The following DMD variants were observed in gnomAD, a reference collection of about 807,000 sequenced individuals.
DMD encodes dystrophin.
In DMD, 63 loss-of-function variants were observed where a neutral mutation model predicts 330.1. The observed-to-expected ratio is 0.19, with a 90% CI of 0.16 to 0.24. The LOEUF (loss-of-function observed/expected upper bound fraction) is 0.24. DMD is among the 10% of genes least tolerant of loss of function. DMD has a pLI of 1.00. For missense variants in DMD, 3,344 were observed against 2,684.1 expected, an observed-to-expected ratio of 1.25 and a Z score of -5.43; for synonymous variants, 1,223 against 959.8, an observed-to-expected ratio of 1.27 and a Z score of -5.07.
At chrX:32,815,520 T>TATATATATATATATATATAC in intron 6 of DMD, among the ~76,000 whole-genome samples, 11 of 78,959 alleles carry the variant, frequency 1.4e-4, no homozygotes, top group African/African-American at 5.8e-4. Flanking sequence ...TATATATATA[T>TATATATATATATATATATAC]ACACACACAC....
At chrX:31,865,610 A>G (rs1195173710) in intron 48 of DMD, among the ~76,000 whole-genome samples, 1 of 111,626 alleles carries the variant, frequency 9.0e-6, no homozygotes, top group Non-Finnish European at 1.9e-5. Flanking sequence ...TGTTGAGTAC[A>G]CTCCTGACTG....
intron 44 of DMD, among the ~76,000 whole-genome samples, chrX:31,978,528 C>T (rs1282146372): frequency 1.8e-5 from 2 of 111,611 alleles, no homozygotes; most frequent in Non-Finnish European, 3.8e-5. Flanking sequence ...GGATTCCCTG[C>T]TCAAAAATTT....
intron 44 of DMD, among the ~76,000 whole-genome samples, chrX:31,994,266 C>T (rs1480702030): frequency 9.0e-6 from 1 of 111,636 alleles, no homozygotes; most frequent in East Asian, 2.8e-4. Context: ...TCTAACCATG[C>T]TAAAAATAAG....
chrX:33,136,274 G>A (rs1281551296), intron 1 of DMD, among the ~76,000 whole-genome samples: 2 of 23,750 alleles, frequency 8.4e-5, no homozygotes, highest in African/African-American at 2.7e-4. Context: ...GTGAGACCCC[G>A]TCTCAAAAAA....
At chrX:31,854,879 T>A (rs2093589940) in intron 48 of DMD, among the ~76,000 whole-genome samples, 1 of 111,318 alleles carries the variant, frequency 9.0e-6, no homozygotes, top group Admixed American at 9.6e-5. Context: ...GCAGCATGCC[T>A]GGTCACTATG....
intron 4 of DMD, among the ~76,000 whole-genome samples, chrX:32,831,684 G>A (rs867742637): frequency 1.5e-5 from 1 of 64,942 alleles, no homozygotes; most frequent in African/African-American, 4.9e-5. Flanking sequence ...GTGTGTGTGT[G>A]TGTGTGTGTG....
intron 2 of DMD, among the ~76,000 whole-genome samples, chrX:32,914,846 A>G (rs1191947887): frequency 2.7e-5 from 3 of 112,278 alleles, no homozygotes; most frequent in Non-Finnish European, 5.6e-5. Context: ...GTCATACAGT[A>G]AATATTTTTA....
chrX:31,583,492 G>A (rs760800265), intron 55 of DMD, among the ~76,000 whole-genome samples: 2 of 111,044 alleles, frequency 1.8e-5, no homozygotes, highest in South Asian at 7.7e-4. Flanking sequence ...TTGGCAGGGG[G>A]TAGGCTATTG....
At chrX:32,947,511 T>C (rs2090905454) in intron 2 of DMD, among the ~76,000 whole-genome samples, 1 of 111,628 alleles carries the variant, frequency 9.0e-6, no homozygotes, top group South Asian at 3.7e-4. Flanking sequence ...GTACACGAGT[T>C]GCCAAAGAAT....
At chrX:32,494,616 T>G (rs767692133) in intron 19 of DMD, among the ~76,000 whole-genome samples, 6 of 111,188 alleles carry the variant, frequency 5.4e-5, no homozygotes, top group African/African-American at 1.6e-4. Flanking sequence ...AACTTACTTA[T>G]AACAAATGCT....
At chrX:31,631,118 C>T (rs2079112534) in intron 54 of DMD, among the ~76,000 whole-genome samples, 1 of 111,401 alleles carries the variant, frequency 9.0e-6, no homozygotes, top group Non-Finnish European at 1.9e-5. Flanking sequence ...AGGCCTCAGC[C>T]TAGCTCTACT....
At chrX:31,606,932 T>C (rs1035469431) in intron 55 of DMD, among the ~76,000 whole-genome samples, 1 of 112,158 alleles carries the variant, frequency 8.9e-6, no homozygotes, top group Non-Finnish European at 1.9e-5. Context: ...ACAGATTGCA[T>C]ACATTTCTCA....
chrX:31,219,833 T>TACACACACACACACAC (rs58717973), intron 64 of DMD, among the ~76,000 whole-genome samples: 19,439 of 100,057 alleles, frequency 0.19, 1,889 homozygotes, highest in Non-Finnish European at 0.26. Flanking sequence ...GATCAATGTA[T>TACACACACACACACAC]ACACACACAC....
chrX:32,342,021 CT>C lies in DMD; in HGVS notation c.5922+78del, dbSNP rs3833416. ...AAAACTGTACCCAGATTTTTTGTCTCTTTTTTTTTTATTAGTAGGCCTCTGT... is the reference window on the plus strand; with the variant it reads ...AAAACTGTACCCAGATTTTTTGTCTCTTTTTTTTTATTAGTAGGCCTCTGT... On this transcript the variant is annotated intron_variant, in intron 41 of 78. Transcript: ENST00000357033. 3.0e-3 allele frequency: 2,868 copies of C among 970,584 alleles called. 14 individuals carry two copies. In the African/African-American group the frequency reaches 0.03, roughly 10 times the overall value. The allele number at this position is 970,584 out of a possible 1,213,427, so 80.0% of individuals were successfully genotyped here.
chrX:32,126,274 A>G (rs1246741245), intron 44 of DMD, among the ~76,000 whole-genome samples: 2 of 112,396 alleles, frequency 1.8e-5, no homozygotes, highest in Non-Finnish European at 3.7e-5. Flanking sequence ...GGACATTAGC[A>G]GTCCAAGTTG....
intron 2 of DMD, among the ~76,000 whole-genome samples, chrX:32,897,415 G>A (rs746730950): frequency 4.6e-4 from 51 of 111,574 alleles, no homozygotes; most frequent in South Asian, 1.9e-3. Context: ...TAAAGCACAG[G>A]TAGAGAAAAT....
intron 41 of DMD, among the ~76,000 whole-genome samples, chrX:32,321,390 G>T (rs1487195343): frequency 9.0e-6 from 1 of 111,280 alleles, no homozygotes; most frequent in Non-Finnish European, 1.9e-5. Context: ...ATCTTGGCAC[G>T]ATCTGAGACA....
At chrX:31,803,091 T>C (rs964185257) in intron 50 of DMD, among the ~76,000 whole-genome samples, 3 of 112,257 alleles carry the variant, frequency 2.7e-5, no homozygotes, top group Non-Finnish European at 5.6e-5. Flanking sequence ...TGGTTAAAAA[T>C]ATATCCATGG....
At chrX:31,487,274 T>C (rs2068879131) in intron 57 of DMD, among the ~76,000 whole-genome samples, 1 of 109,987 alleles carries the variant, frequency 9.1e-6, no homozygotes, top group Non-Finnish European at 1.9e-5. Flanking sequence ...TTTTTTTTTT[T>C]TTGAGACGGA....
Sources: allele counts gnomAD v4.1 joint callset (sites outside exome capture counted in the v4.1 genomes callset), GRCh38; gene constraint gnomAD v4.1.1; transcripts MANE v1.5; gene names NCBI Gene and HGNC (gene_info 2026-07-23, HGNC 2026-07-21).